TGS1: variants seen among roughly 807,000 people sequenced by gnomAD.
The protein encoded by TGS1 is trimethylguanosine synthase 1, also known as trimethylguanosine synthase.
In TGS1, 69 loss-of-function variants were observed where a neutral mutation model predicts 92.2. That is an observed-to-expected ratio of 0.75 (90% CI 0.62 to 0.91). TGS1 has a LOEUF of 0.91. Ranked by LOEUF, TGS1 falls within the 40% of genes least tolerant of loss-of-function variation. The pLI, the probability that TGS1 is intolerant of heterozygous loss-of-function variation, is 0.00. For synonymous variants in TGS1, 345 were observed against 338.1 expected (o/e 1.02, Z -0.22); for missense variants, 1,062 against 1,001.2 (o/e 1.06, Z -0.82).
intron 12 of TGS1, among the ~76,000 whole-genome samples, chr8:55,822,880 G>A (rs1021684780): frequency 6.6e-5 from 10 of 152,162 alleles, no homozygotes; most frequent in African/African-American, 2.4e-4. Context: ...GGGGTGGTAT[G>A]CATAATACCA....
chr8:55,799,112 G>C lies in TGS1; in HGVS notation c.1741G>C (p.Glu581Gln). Reference protein sequence around the residue: ...EKCQSVSSAGELETENYERDS... With the variant: ...EKCQSVSSAGQLETENYERDS... ...GTGTCAGAGCGTATCTTCAGCTGGT[G>C]AACTTGAAACAGAAAACTATGAAAG... is the stretch of plus-strand genomic sequence containing the variant. Residue 581 changes from glutamate (E) to glutamine (Q), a missense_variant, in exon 8 of 13, where the codon GAA (glutamate) becomes CAA (glutamine). Transcript: ENST00000260129. 1 of 1,614,114 alleles carries C rather than the reference G, an allele frequency of 6.2e-7. No homozygotes were observed. Among genetic ancestry groups the C allele is most frequent in the Non-Finnish European group, 8.5e-7 (1 of 1,180,026 alleles).
chr8:55,773,532 G>T lies in TGS1; in HGVS notation c.-87G>T, dbSNP rs1047297939. ...TCCTCATCCAGGGCTTGCGGGCGAGGCCTGTTTTAAGTCTCCAGTAACCGA... is the reference window on the plus strand; with the variant it reads ...TCCTCATCCAGGGCTTGCGGGCGAGTCCTGTTTTAAGTCTCCAGTAACCGA... On this transcript the variant is annotated 5_prime_UTR_variant, in exon 1 of 13. Coordinates refer to ENST00000260129, the MANE Select transcript of TGS1 (RefSeq NM_024831.8). The T allele has an allele frequency of 5.1e-6, 5 of 977,566 alleles. No individual in the cohort carries two copies. The highest frequency in any genetic ancestry group is 3.3e-5 in the African/African-American group (2 of 60,722). 60.6% of individuals were successfully genotyped at this position (977,566 alleles called of 1,614,324 possible).
At position 55,795,967 on chromosome 8, in the gene TGS1, A is replaced by T; in HGVS notation, c.1368-11A>T. On this transcript the variant is annotated splice_polypyrimidine_tract_variant and intron_variant, in intron 6 of 12. Transcript: ENST00000260129. Reference sequence around the variant, plus strand: ...TTTAAGTTGTGAATAACTTCTTTTGATCTGTCACAGATATGGTGGAATCCC... The same window carrying T: ...TTTAAGTTGTGAATAACTTCTTTTGTTCTGTCACAGATATGGTGGAATCCC... 1.3e-6 allele frequency: 2 copies of T among 1,594,412 alleles called. No homozygotes were observed. Among genetic ancestry groups the T allele is most frequent in the African/African-American group, 2.8e-5 (2 of 70,808 alleles).
chr8:55,786,186 C>G (rs1811702721), intron 3 of TGS1, 52 bp from the exon 4 acceptor site: 17 of 1,001,028 alleles, frequency 1.7e-5, no homozygotes, highest in Non-Finnish European at 2.3e-5. Flanking sequence ...ATTCTACTTT[C>G]TTTTATAGTT....
intron 9 of TGS1, 49 bp from the exon 10 acceptor site, chr8:55,804,844 T>C (rs746444976): frequency 3.6e-5 from 57 of 1,574,794 alleles, no homozygotes; most frequent in Non-Finnish European, 3.5e-6. Context: ...TATGCTTGCC[T>C]TGGCTTCTTG....
At chr8:55,794,742 C>T (rs937099133) in intron 6 of TGS1, among the ~76,000 whole-genome samples, 1 of 152,308 alleles carries the variant, frequency 6.6e-6, no homozygotes, top group East Asian at 1.9e-4. Context: ...GAGATTTTAT[C>T]GTACATGACA....
At chr8:55,818,195 A>G (rs1803536343) in intron 12 of TGS1, among the ~76,000 whole-genome samples, 1 of 152,028 alleles carries the variant, frequency 6.6e-6, no homozygotes, top group Admixed American at 6.6e-5. Context: ...GTAACTGGTT[A>G]CCAATTTTTT....
At chr8:55,813,748 A>G (rs1256979493) in intron 12 of TGS1, among the ~76,000 whole-genome samples, 3 of 152,058 alleles carry the variant, frequency 2.0e-5, no homozygotes, top group Non-Finnish European at 4.4e-5. Context: ...TGGGACATCT[A>G]TTATAAGAGA....
intron 1 of TGS1, among the ~76,000 whole-genome samples, chr8:55,778,934 A>G (rs1440562364): frequency 6.6e-6 from 1 of 152,244 alleles, no homozygotes; most frequent in Non-Finnish European, 1.5e-5. Context: ...ATTCAGAGGT[A>G]TGAGGATAAG....
At chr8:55,799,536 C>T (rs571543693) in intron 8 of TGS1, among the ~76,000 whole-genome samples, 31 of 152,256 alleles carry the variant, frequency 2.0e-4, no homozygotes, top group African/African-American at 6.3e-4. Flanking sequence ...CTAAAGGTGA[C>T]CATCCTTTGC....
In TGS1 at chr8:55,803,001, G is replaced by A. The variant is rs138650510; in HGVS notation, c.1999+395G>A. On this transcript the variant is annotated intron_variant, in intron 9 of 12. Transcript: ENST00000260129. ...CCAGTATAGGATCATGTATCATTGC[G>A]TTTATTTTTCAAGTTCTTTAGTTGC... Among the ~76,000 whole-genome samples the A allele has an allele frequency of 8.0e-5, 12 of 150,812 alleles. No individual in the cohort carries two copies. In the East Asian group the frequency reaches 1.9e-3, roughly 24 times the overall value.
At chr8:55,816,147 T>C (rs1803471436) in intron 12 of TGS1, among the ~76,000 whole-genome samples, 1 of 152,166 alleles carries the variant, frequency 6.6e-6, no homozygotes, top group Admixed American at 6.6e-5. Context: ...TTGATGCCTG[T>C]ATCTTGCCAT....
intron 12 of TGS1, among the ~76,000 whole-genome samples, chr8:55,823,336 G>GC (rs963443984): frequency 6.6e-6 from 1 of 152,166 alleles, no homozygotes; most frequent in Non-Finnish European, 1.5e-5. Context: ...GCAGCTAACT[G>GC]CCCCATCCCC....
rs564945331 is a variant in TGS1, at chr8:55,773,568, G to A, written c.-51G>A. 4.1e-6 allele frequency: 6 copies of A among 1,473,068 alleles called. No homozygotes were observed. The East Asian group carries it at 1.2e-4, about 30-fold the overall frequency. 91.2% of individuals were successfully genotyped at this position (1,473,068 alleles called of 1,614,324 possible). On this transcript the variant is annotated 5_prime_UTR_variant, in exon 1 of 13. Transcript: ENST00000260129. ...GTCTCCAGTAACCGAGCGGAGGCCC[G>A]GCAGGCGCGACCCGGGCTGCGTACG... is the stretch of plus-strand genomic sequence containing the variant.
At chr8:55,823,166 AACGT>A (rs375205959) in intron 12 of TGS1, among the ~76,000 whole-genome samples, 294 of 152,332 alleles carry the variant, frequency 1.9e-3, no homozygotes, top group African/African-American at 6.9e-3. Context: ...GTTAGAAAGT[AACGT>A]ATTTGCTATT....
intron 9 of TGS1, among the ~76,000 whole-genome samples, chr8:55,803,999 G>A (rs1018930966): frequency 6.6e-6 from 1 of 152,110 alleles, no homozygotes; most frequent in African/African-American, 2.4e-5. Flanking sequence ...TTTCTACTAG[G>A]AAAGAAGGAG....
intron 10 of TGS1, among the ~76,000 whole-genome samples, chr8:55,807,181 G>A (rs1011425554): frequency 1.3e-5 from 2 of 152,078 alleles, no homozygotes; most frequent in South Asian, 2.1e-4. Context: ...TCCCGCCTCA[G>A]CCTCGCAAAG....
chr8:55,805,107 A>G, intron 10 of TGS1, 71 bp downstream of exon 10: 1 of 1,314,628 alleles, frequency 7.6e-7, no homozygotes. Flanking sequence ...ATTTTGCTAC[A>G]GCCTATCTTA....
Position 55,811,693 on chromosome 8 carries a change from C to T in TGS1, c.2360+596C>T, listed in dbSNP as rs1020858798. On this transcript the variant is annotated intron_variant, in intron 11 of 12. Coordinates refer to ENST00000260129, the MANE Select transcript of TGS1 (RefSeq NM_024831.8). Reference sequence around the variant, plus strand: ...GGAGAATCGCTTGGACCAGGGAGGCCGAGGTTGCAGTGAGCTGAGATTGCG... The same window carrying T: ...GGAGAATCGCTTGGACCAGGGAGGCTGAGGTTGCAGTGAGCTGAGATTGCG... Among the ~76,000 whole-genome samples the T allele has an allele frequency of 1.3e-4, 19 of 143,204 alleles. 2 individuals carry two copies. The highest frequency in any genetic ancestry group is 1.1e-3 in the Admixed American group (16 of 14,384). 93.9% of individuals were successfully genotyped at this position (143,204 alleles called of 152,430 possible).
Sources: allele counts gnomAD v4.1 joint callset (sites outside exome capture counted in the v4.1 genomes callset), GRCh38; gene constraint gnomAD v4.1.1; transcripts MANE v1.5; gene names NCBI Gene and HGNC (gene_info 2026-07-23, HGNC 2026-07-21).